The following LINGO2 variants were observed in gnomAD, a reference collection of about 807,000 sequenced individuals.
LINGO2 encodes leucine rich repeat and Ig domain containing 2.
A neutral mutation model predicts 30.6 loss-of-function variants in LINGO2; 14 were observed. The observed-to-expected ratio is 0.46, with a 90% CI of 0.30 to 0.72. LINGO2 has a LOEUF of 0.72. Among genes scored for constraint, LINGO2 ranks in the 30% least tolerant of loss-of-function variants. LINGO2 has a pLI of 0.07. For synonymous variants in LINGO2, 317 were observed against 288.5 expected (o/e 1.10, Z -1.00); for missense variants, 729 against 751.7 (o/e 0.97, Z 0.35).
chr9:28,081,290 CAAA>C (rs79994366), intron 4 of LINGO2, among the ~76,000 whole-genome samples: 11 of 129,498 alleles, frequency 8.5e-5, no homozygotes, highest in Non-Finnish European at 8.2e-5. Context: ...ATTCAATACT[CAAA>C]AAAAAAAAAA....
At chr9:28,896,913 A>G in the LINGO2 span, among the ~76,000 whole-genome samples, 1 of 152,174 alleles carries the variant, frequency 6.6e-6, no homozygotes, top group Non-Finnish European at 1.5e-5. Flanking sequence ...ACCTAAGTGT[A>G]AGAAAGGATT....
chr9:28,614,787 T>G (rs1826065920), intron 1 of LINGO2, among the ~76,000 whole-genome samples: 1 of 152,112 alleles, frequency 6.6e-6, no homozygotes, highest in African/African-American at 2.4e-5. Context: ...TATTATAACC[T>G]TAGCCTAGTT....
intron 2 of LINGO2, among the ~76,000 whole-genome samples, chr9:28,383,999 T>C (rs1821464128): frequency 2.0e-5 from 3 of 152,050 alleles, no homozygotes. Flanking sequence ...GCTATGAAAG[T>C]CATTTACATA....
intron 4 of LINGO2, among the ~76,000 whole-genome samples, chr9:28,239,711 A>G (rs1821711997): frequency 6.6e-6 from 1 of 152,150 alleles, no homozygotes; most frequent in Non-Finnish European, 1.5e-5. Context: ...GCTTTTCCTC[A>G]TAGATCTGAA....
At chr9:28,703,381 T>C in the LINGO2 span, among the ~76,000 whole-genome samples, 1 of 151,912 alleles carries the variant, frequency 6.6e-6, no homozygotes, top group South Asian at 2.1e-4. Flanking sequence ...AATGAGGTGT[T>C]ATTTAGACGT....
chr9:28,096,860 G>T (rs896109586), intron 4 of LINGO2, among the ~76,000 whole-genome samples: 1 of 152,098 alleles, frequency 6.6e-6, no homozygotes, highest in African/African-American at 2.4e-5. Context: ...TAGCCCTGAA[G>T]TGAGGCGAAT....
chr9:29,057,316 G>T, the LINGO2 span, among the ~76,000 whole-genome samples: 1 of 152,040 alleles, frequency 6.6e-6, no homozygotes, highest in East Asian at 1.9e-4. Flanking sequence ...ATAAGTGGAT[G>T]ACTTAAATTT....
chr9:28,910,531 G>A, the LINGO2 span, among the ~76,000 whole-genome samples: 1 of 152,032 alleles, frequency 6.6e-6, no homozygotes, highest in Non-Finnish European at 1.5e-5. Context: ...TCTGGTGGGA[G>A]GTGATTAAAT....
chr9:28,183,945 A>AGCC (rs1819449234), intron 4 of LINGO2, among the ~76,000 whole-genome samples: 9 of 152,338 alleles, frequency 5.9e-5, no homozygotes, highest in African/African-American at 2.2e-4. Context: ...GACATTACCA[A>AGCC]TCAATCATGA....
intron 3 of LINGO2, among the ~76,000 whole-genome samples, chr9:28,371,537 C>G (rs1348584150): frequency 6.6e-6 from 1 of 152,120 alleles, no homozygotes; most frequent in Non-Finnish European, 1.5e-5. Context: ...AATCATTTCC[C>G]AAAAGGCTTC....
At chr9:28,026,048 T>G (rs1823360108) in intron 4 of LINGO2, among the ~76,000 whole-genome samples, 1 of 152,188 alleles carries the variant, frequency 6.6e-6, no homozygotes, top group Admixed American at 6.5e-5. Context: ...CTTTACTTAC[T>G]GTGTTCTAGC....
At chr9:28,609,879 A>T (rs1190168796) in intron 1 of LINGO2, among the ~76,000 whole-genome samples, 1 of 152,172 alleles carries the variant, frequency 6.6e-6, no homozygotes, top group East Asian at 1.9e-4. Flanking sequence ...ATAAAGCAAA[A>T]TATGTCTGCA....
chr9:29,111,861 GTATATATGTGTGTATATATACATATATT>G, the LINGO2 span, among the ~76,000 whole-genome samples: 21 of 96,570 alleles, frequency 2.2e-4, no homozygotes, highest in African/African-American at 3.6e-4. Flanking sequence ...GTATGTTCAT[GTATATATGTGTGTATATATACATATATT>G]TATATATGTG....
chr9:28,970,435 G>A, the LINGO2 span, among the ~76,000 whole-genome samples: 24 of 152,202 alleles, frequency 1.6e-4, 1 homozygote, highest in South Asian at 5.0e-3. Flanking sequence ...AATCAGGTGA[G>A]CACTCACACT....
At chr9:28,452,196 G>T (rs143344699) in intron 2 of LINGO2, among the ~76,000 whole-genome samples, 1 of 151,782 alleles carries the variant, frequency 6.6e-6, no homozygotes, top group Admixed American at 6.6e-5. Flanking sequence ...TCAATATTCA[G>T]ACAATTACTC....
chr9:28,980,531 C>T, the LINGO2 span, among the ~76,000 whole-genome samples: 1 of 152,036 alleles, frequency 6.6e-6, no homozygotes, highest in African/African-American at 2.4e-5. Flanking sequence ...CTCTCCTTTG[C>T]TTACTCCATT....
At chr9:28,042,587 A>G (rs1824242188) in intron 4 of LINGO2, among the ~76,000 whole-genome samples, 1 of 152,204 alleles carries the variant, frequency 6.6e-6, no homozygotes, top group Admixed American at 6.5e-5. Flanking sequence ...TATGAAAGAA[A>G]GGTACAAATT....
At chr9:27,943,835 G>A (rs983799206), downstream of LINGO2, 1 of 152,118 alleles carries the variant, frequency 6.6e-6, no homozygotes, top group African/African-American at 2.4e-5. Context: ...CTCCTTCTGT[G>A]GGCTGTCTCA....
the LINGO2 span, among the ~76,000 whole-genome samples, chr9:28,774,028 A>G: frequency 7.2e-6 from 1 of 138,016 alleles, no homozygotes; most frequent in Non-Finnish European, 1.5e-5. Context: ...GCCAAATGTC[A>G]TTTTCTTTTT....
Sources: gnomAD v4.1 joint callset for allele counts (sites outside exome capture counted in the v4.1 genomes callset) on GRCh38, gnomAD v4.1.1 for gene constraint, MANE v1.5 for transcripts, NCBI Gene and HGNC (gene_info 2026-07-23, HGNC 2026-07-21) for gene names.